P3H2: variants seen among roughly 807,000 people sequenced by gnomAD.
P3H2 encodes the protein prolyl 3-hydroxylase 2.
A neutral mutation model predicts 87.0 loss-of-function variants in P3H2; 80 were observed. The observed-to-expected ratio is 0.92, with a 90% CI of 0.77 to 1.11. The LOEUF is 1.11. Ranked by LOEUF, P3H2 falls within the 50% of genes least tolerant of loss-of-function variation. The pLI is 0.00. For missense variants in P3H2, 1,001 were observed against 923.9 expected, an observed-to-expected ratio of 1.08 and a Z score of -1.08; for synonymous variants, 367 against 359.3, an observed-to-expected ratio of 1.02 and a Z score of -0.24.
At chr3:190,005,842 A>G (rs1010789012) in intron 1 of P3H2, among the ~76,000 whole-genome samples, 6 of 152,204 alleles carry the variant, frequency 3.9e-5, no homozygotes, top group Non-Finnish European at 8.8e-5. Context: ...TATGTCACCC[A>G]TCAAGCTCAC....
In P3H2 at chr3:190,098,316, T is replaced by A. The variant is rs145521249; in HGVS notation, c.480+21936A>T. 6.2e-3 allele frequency among the ~76,000 whole-genome samples: 951 copies of A among 152,330 alleles called. 8 individuals carry two copies. Among genetic ancestry groups the A allele is most frequent in the African/African-American group, 0.022 (904 of 41,574 alleles). ...CAGGGATCTGTGGAATCGCTCTTAT[T>A]GTTTTATAATCAGATTGTGTACAGT... is the stretch of plus-strand genomic sequence containing the variant. On this transcript the variant is annotated intron_variant, in intron 1 of 14. Coordinates refer to ENST00000319332, the MANE Select transcript of P3H2 (RefSeq NM_018192.4).
At chr3:190,055,730 GAATAC>G (rs1726133777) in intron 1 of P3H2, among the ~76,000 whole-genome samples, 2 of 152,116 alleles carry the variant, frequency 1.3e-5, no homozygotes, top group African/African-American at 4.8e-5. Context: ...AAAGAATACA[GAATAC>G]AATATCATTC....
intron 1 of P3H2, among the ~76,000 whole-genome samples, chr3:190,067,041 T>C (rs894720952): frequency 1.3e-5 from 2 of 150,690 alleles, no homozygotes; most frequent in Admixed American, 6.6e-5. Flanking sequence ...GATGGGGTCT[T>C]GTTTTGTTGC....
intron 1 of P3H2, among the ~76,000 whole-genome samples, chr3:190,112,549 C>T (rs369949075): frequency 6.7e-6 from 1 of 149,966 alleles, no homozygotes; most frequent in African/African-American, 2.5e-5. Context: ...CCATTTTCCC[C>T]TCTGCTCTCT....
intron 1 of P3H2, among the ~76,000 whole-genome samples, chr3:190,079,379 A>G (rs1031365389): frequency 1.3e-5 from 2 of 151,260 alleles, no homozygotes; most frequent in African/African-American, 4.9e-5. Context: ...TAAATAAATA[A>G]ATAAATAATC....
intron 14 of P3H2, among the ~76,000 whole-genome samples, chr3:189,960,924 C>G (rs1167417644): frequency 6.7e-6 from 1 of 148,998 alleles, no homozygotes; most frequent in African/African-American, 2.5e-5. Flanking sequence ...TACTACTTTA[C>G]AAATATAAGG....
chr3:190,024,435 C>G (rs1017932861), intron 1 of P3H2, among the ~76,000 whole-genome samples: 5 of 145,390 alleles, frequency 3.4e-5, no homozygotes, highest in African/African-American at 1.3e-4. Context: ...CCCAGCTACT[C>G]ATGTGGCTGA....
rs569759092 is a variant in P3H2 at position 189,979,338 on chromosome 3, G to C, written c.1324+3708C>G. On this transcript the variant is annotated intron_variant, in intron 8 of 14. Transcript: ENST00000319332. ...AGCTACTTGGGAGGCTGAGGCAGGA[G>C]AATCACTTGAACCCAGGAGGCAGAG... Among the ~76,000 whole-genome samples the C allele has an allele frequency of 8.0e-4, 121 of 152,172 alleles. 2 individuals are homozygous for C. The Middle Eastern group carries it at 0.02, about 26-fold the overall frequency.
At chr3:190,022,790 C>T (rs1488230738) in intron 1 of P3H2, among the ~76,000 whole-genome samples, 2 of 152,038 alleles carry the variant, frequency 1.3e-5, no homozygotes, top group Admixed American at 1.3e-4. Flanking sequence ...CCGAAGTTTC[C>T]GATTAAGTAA....
intron 1 of P3H2, among the ~76,000 whole-genome samples, chr3:190,041,219 C>T (rs2108954917): frequency 7.2e-6 from 1 of 137,970 alleles, no homozygotes; most frequent in East Asian, 2.1e-4. Flanking sequence ...CTGCAGTAAG[C>T]CAAGATTGTG....
chr3:190,073,967 A>G (rs1236060291), intron 1 of P3H2, among the ~76,000 whole-genome samples: 1 of 152,226 alleles, frequency 6.6e-6, no homozygotes, highest in East Asian at 1.9e-4. Flanking sequence ...AGGATCAGCT[A>G]TTGAAGCACA....
intron 1 of P3H2, among the ~76,000 whole-genome samples, chr3:190,018,035 C>G (rs1724823766): frequency 6.6e-6 from 1 of 152,102 alleles, no homozygotes; most frequent in South Asian, 2.1e-4. Flanking sequence ...TCACAGTGAC[C>G]GATTCTGTAG....
chr3:190,069,700 G>A (rs973363930), intron 1 of P3H2, among the ~76,000 whole-genome samples: 4 of 152,284 alleles, frequency 2.6e-5, no homozygotes, highest in Admixed American at 2.0e-4. Flanking sequence ...GAAATCTAGC[G>A]AGGGTGGGAA....
intron 1 of P3H2, among the ~76,000 whole-genome samples, chr3:190,070,450 C>G (rs1243688662): frequency 6.6e-6 from 1 of 152,096 alleles, no homozygotes; most frequent in Non-Finnish European, 1.5e-5. Flanking sequence ...AAGTCAGTTC[C>G]TGAAGTCATA....
intron 1 of P3H2, among the ~76,000 whole-genome samples, chr3:190,072,263 G>A (rs942855073): frequency 6.6e-6 from 1 of 152,100 alleles, no homozygotes; most frequent in Non-Finnish European, 1.5e-5. Context: ...CTGACCTTAG[G>A]TGATCTGCCC....
intron 11 of P3H2, among the ~76,000 whole-genome samples, chr3:189,972,304 G>T (rs1171360214): frequency 6.6e-6 from 1 of 152,050 alleles, no homozygotes; most frequent in East Asian, 1.9e-4. Flanking sequence ...ACTTCACATA[G>T]GGCAGCAAAA....
intron 1 of P3H2, among the ~76,000 whole-genome samples, chr3:190,002,122 A>G (rs1207938259): frequency 2.0e-5 from 3 of 152,176 alleles, no homozygotes; most frequent in Admixed American, 1.3e-4. Context: ...ATAGCCATAT[A>G]GCAAATAACT....
chr3:189,976,692 C>G (rs1723359954), intron 8 of P3H2, among the ~76,000 whole-genome samples: 1 of 152,094 alleles, frequency 6.6e-6, no homozygotes, highest in Non-Finnish European at 1.5e-5. Flanking sequence ...TTAATATGAC[C>G]ATAACTGTGC....
Position 190,033,731 on chromosome 3 carries a change from C to T in P3H2, c.481-38289G>A, listed in dbSNP as rs115734239. Among the ~76,000 whole-genome samples, 643 of 152,270 alleles carry T rather than the reference C, an allele frequency of 4.2e-3. 6 individuals carry two copies. The highest frequency in any genetic ancestry group is 0.015 in the African/African-American group (618 of 41,536). The stretch of plus-strand genomic sequence containing the variant: ...AACTATTCTTACCAAGTTATCTGTA[C>T]CTGGTTTTGCTGCCTTTTAATCCCC... On this transcript the variant is annotated intron_variant, in intron 1 of 14. Transcript: ENST00000319332.
Sources: allele counts gnomAD v4.1 joint callset (sites outside exome capture counted in the v4.1 genomes callset), GRCh38; gene constraint gnomAD v4.1.1; transcripts MANE v1.5; gene names NCBI Gene and HGNC (gene_info 2026-07-23, HGNC 2026-07-21).